The following SYNE2 variants were observed in gnomAD, a reference collection of about 807,000 sequenced individuals.
SYNE2 encodes nesprin-2.
SYNE2 carries 431 observed loss-of-function variants against 856.3 expected under a neutral mutation model. That is an observed-to-expected ratio of 0.50 (90% CI 0.47 to 0.55). The LOEUF (loss-of-function observed/expected upper bound fraction) is 0.55. SYNE2 is among the 20% of genes least tolerant of loss of function. The probability of loss-of-function intolerance (pLI) is 0.00; values close to 1 mark genes in which losing one functional copy is unlikely to be tolerated. For synonymous variants in SYNE2, 2,923 were observed against 2,872.3 expected, an observed-to-expected ratio of 1.02 and a Z score of -0.56; for missense variants, 8,129 against 8,023.2, an observed-to-expected ratio of 1.01 and a Z score of -0.50.
At chr14:63,842,647 T>C in intron 1 of SYNE2, among the ~76,000 whole-genome samples, 1 of 149,694 alleles carries the variant, frequency 6.7e-6, no homozygotes, top group East Asian at 2.0e-4. Flanking sequence ...TTAGTAGAGA[T>C]GGGGGTTTCA....
rs758147476 is a variant in SYNE2, at chr14:64,070,728, G to A, written c.10515G>A (p.Glu3505=). ...ISKTKEAATT[E]ELSELLDCLC... is the part of the protein sequence containing the mutation. ...AAACAAAAGAGGCAGCCACCACAGA[G>A]GAACTCTCTGAGCTGCTAGACTGTT... The change falls in exon 52 of 116, where the codon GAG becomes GAA. Residue 3505 remains glutamate (E), a synonymous_variant. Coordinates refer to ENST00000555002, the MANE Select transcript of SYNE2 (RefSeq NM_182914.3). 1.9e-6 allele frequency: 3 copies of A among 1,614,042 alleles called. No individual in the cohort carries two copies. The Admixed American group carries it at 5.0e-5, about 27-fold the overall frequency.
rs779840347 is a variant in SYNE2, at chr14:64,220,397, C to T, written c.19861-40C>T. On this transcript the variant is annotated intron_variant, in intron 110 of 115. Coordinates refer to ENST00000555002, the MANE Select transcript of SYNE2 (RefSeq NM_182914.3). ...GTTCAAAATGAGCCCCTCCTCCCTA[C>T]TTTCAGAGCTCCTAACCTCATCTTT... 9 of 1,611,140 alleles carry T rather than the reference C, an allele frequency of 5.6e-6. No homozygotes were observed. In the South Asian group the frequency reaches 6.6e-5, roughly 12 times the overall value.
intron 2 of SYNE2, among the ~76,000 whole-genome samples, chr14:63,920,516 A>AGGGGTCT (rs2095587207): frequency 6.6e-6 from 1 of 150,918 alleles, no homozygotes; most frequent in African/African-American, 2.4e-5. Flanking sequence ...ATAAACATAT[A>AGGGGTCT]GGGGTCTGGA....
At position 64,053,059 on chromosome 14, in the gene SYNE2, AG is replaced by A. The variant is rs776532367; in HGVS notation, c.9148del (p.Ala3050HisfsTer3). 1 of 1,614,088 alleles carries A rather than the reference AG, an allele frequency of 6.2e-7. No individual in the cohort carries two copies. Among genetic ancestry groups the A allele is most frequent in the Non-Finnish European group, 8.5e-7 (1 of 1,180,016 alleles). ...TTTGAGGAAGAACATGGCAAATATC[AG>A]GCATTATTAAGTAAAATGAGAGCTA... Reference protein sequence around the residue: ...DTFEEEHGKYQALLSKMRAID... With the variant: ...DTFEEEHGKYXALLSKMRAID... On this transcript the variant is annotated frameshift_variant, in exon 48 of 116. Transcript: ENST00000555002. LOFTEE classifies it high-confidence loss of function.
rs1251884268 is a variant in SYNE2, at chr14:64,065,516, G to C, written c.10297G>C (p.Glu3433Gln). ...TAGACTCTTGAGACTCAGGTGCACA[G>C]AAAATGATGGCATATGTTTGCTCAA... Reference protein sequence around the residue: ...ILRLLRLRCTENDGICLLKIV... With the variant: ...ILRLLRLRCTQNDGICLLKIV... The change falls in exon 51 of 116, where the codon GAA (glutamate) becomes CAA (glutamine). Residue 3433 changes from glutamate (E) to glutamine (Q), a missense_variant. Transcript: ENST00000555002. The C allele has an allele frequency of 1.2e-6, 2 of 1,614,100 alleles. No homozygotes were observed. The highest frequency in any genetic ancestry group is 1.7e-6 in the Non-Finnish European group (2 of 1,180,012).
intron 1 of SYNE2, among the ~76,000 whole-genome samples, chr14:63,766,999 A>G (rs8008068): frequency 0.23 from 34,855 of 151,914 alleles, 4,862 homozygotes; most frequent in African/African-American, 0.4. Flanking sequence ...AATTAAATAC[A>G]CCATATCAAG....
chr14:64,108,648 A>G (rs192870316), intron 65 of SYNE2, among the ~76,000 whole-genome samples: 10 of 152,038 alleles, frequency 6.6e-5, no homozygotes, highest in Middle Eastern at 3.4e-3. Flanking sequence ...ACTGAGTTCT[A>G]TTTATGTTTT....
chr14:64,177,462 T>C lies in SYNE2; in HGVS notation c.17535T>C (p.His5845=). Residue 5845 remains histidine, a synonymous_variant, in exon 96 of 116, where the codon CAT becomes CAC. Coordinates refer to ENST00000555002, the MANE Select transcript of SYNE2 (RefSeq NM_182914.3). ...TTCCAGAGCTTCACGAGGACCTCCA[T>C]AACGAAAAAGAGCTGATTAAGGTAT... is the stretch of plus-strand genomic sequence containing the variant. ...DPLPELHEDL[H]NEKELIKELE... 6.2e-7 allele frequency: 1 copy of C among 1,614,124 alleles called. No homozygotes were observed. The highest frequency in any genetic ancestry group is 8.5e-7 in the Non-Finnish European group (1 of 1,180,008).
Position 64,214,369 on chromosome 14 carries a change from GC to G in SYNE2, c.19233del (p.Ser6411ArgfsTer36). The G allele has an allele frequency of 6.2e-7, 1 of 1,614,146 alleles. No individual in the cohort carries two copies. The highest frequency in any genetic ancestry group is 8.5e-7 in the Non-Finnish European group (1 of 1,180,020). On this transcript the variant is annotated frameshift_variant, in exon 106 of 116. Transcript: ENST00000555002. LOFTEE classifies it high-confidence loss of function. ...HERSGCETPV[S>X]VDSIPLEWDH... ...CGGTCTGGCTGCGAGACCCCTGTCA[GC>G]GTGGACTCCATCCCCCTGGAGTGGG... is the stretch of plus-strand genomic sequence containing the variant.
At chr14:64,219,104 GTTTTTTTTTTTTTT>G in intron 109 of SYNE2, 90 bp from the exon 110 acceptor site, 1 of 407,786 alleles carries the variant, frequency 2.5e-6, no homozygotes, top group South Asian at 2.5e-5. Context: ...CAGTTTTTTT[GTTTTTTTTTTTTTT>G]TTTTTTAACC....
At chr14:64,133,337 A>T (rs985453128) in intron 77 of SYNE2, among the ~76,000 whole-genome samples, 1 of 152,126 alleles carries the variant, frequency 6.6e-6, no homozygotes, top group African/African-American at 2.4e-5. Context: ...GGTATTTTTT[A>T]AAAAAGACTC....
intron 22 of SYNE2, among the ~76,000 whole-genome samples, chr14:63,994,479 G>A (rs2096696434): frequency 6.6e-6 from 1 of 152,050 alleles, no homozygotes; most frequent in Non-Finnish European, 1.5e-5. Flanking sequence ...TAGATTTACG[G>A]AATTACTGTA....
chr14:64,209,052 G>A (rs1053020625), intron 101 of SYNE2, 107 bp downstream of exon 101: 172 of 1,375,500 alleles, frequency 1.3e-4, no homozygotes, highest in Non-Finnish European at 1.6e-4. Flanking sequence ...TTAGAAATGC[G>A]CCAGGTATTG....
chr14:64,101,796 G>T, intron 63 of SYNE2, 136 bp from the exon 64 acceptor site: 3 of 688,462 alleles, frequency 4.4e-6, no homozygotes, highest in Non-Finnish European at 5.3e-6. Context: ...AAAAAATGGG[G>T]GAGGACTGCA....
Position 64,076,870 on chromosome 14 carries a change from A to G in SYNE2, c.11022+770A>G, listed in dbSNP as rs148255173. Among the ~76,000 whole-genome samples the G allele has an allele frequency of 5.7e-3, 862 of 152,214 alleles. 33 individuals carry two copies. Among genetic ancestry groups the G allele is most frequent in the Admixed American group, 0.048 (729 of 15,288 alleles). ...TAATTCTATGACAGATTTCTCAGGA[A>G]AATCTCACATGTAAAAAACATGTAA... On this transcript the variant is annotated intron_variant, in intron 54 of 115. Transcript: ENST00000555002.
intron 66 of SYNE2, among the ~76,000 whole-genome samples, chr14:64,116,000 T>TA (rs560071561): frequency 1.1e-4 from 16 of 151,578 alleles, no homozygotes; most frequent in South Asian, 6.3e-4. Flanking sequence ...CAAAATAATT[T>TA]AAAAAAAAAT....
chr14:63,979,092 T>G, intron 14 of SYNE2, 78 bp downstream of exon 14: 1 of 1,429,876 alleles, frequency 7.0e-7, no homozygotes, highest in Non-Finnish European at 9.8e-7. Context: ...TGGCATGATT[T>G]CCCATTAACT....
At chr14:63,804,132 C>G (rs1441511281) in intron 1 of SYNE2, among the ~76,000 whole-genome samples, 1 of 152,176 alleles carries the variant, frequency 6.6e-6, no homozygotes, top group Non-Finnish European at 1.5e-5. Context: ...TCAATTAAAC[C>G]TCTTTTCTTC....
intron 98 of SYNE2, chr14:64,189,096 G>A: frequency 1.5e-6 from 1 of 646,746 alleles, no homozygotes; most frequent in South Asian, 1.8e-5. Flanking sequence ...CACTTTGGGA[G>A]GCCAAGGCGG....
Sources: allele counts gnomAD v4.1 joint callset (sites outside exome capture counted in the v4.1 genomes callset), GRCh38; gene constraint gnomAD v4.1.1; transcripts MANE v1.5; gene names NCBI Gene and HGNC (gene_info 2026-07-23, HGNC 2026-07-21).